Variants in KLHL28 observed in about 807,000 individuals in gnomAD.
KLHL28 encodes kelch like family member 28, also known as kelch-like protein 28.
KLHL28 carries 22 observed loss-of-function variants against 48.3 expected under a neutral mutation model. The observed-to-expected ratio is 0.46, with a 90% CI of 0.33 to 0.65. The LOEUF (loss-of-function observed/expected upper bound fraction) is 0.65. KLHL28 is among the 30% of genes least tolerant of loss of function. The probability of loss-of-function intolerance (pLI) is 0.03; values close to 1 mark genes in which losing one functional copy is unlikely to be tolerated. For missense variants in KLHL28, 527 were observed against 704.3 expected (o/e 0.75, Z 2.85); for synonymous variants, 243 against 242.4 (o/e 1.00, Z -0.02).
At chr14:44,960,279 C>T (rs1472220515) in intron 1 of KLHL28, among the ~76,000 whole-genome samples, 2 of 152,212 alleles carry the variant, frequency 1.3e-5, no homozygotes, top group Non-Finnish European at 2.9e-5. Context: ...ATGATTACCA[C>T]ACAACCTCTA....
chr14:44,947,351 C>T (rs1410355501), intron 1 of KLHL28, among the ~76,000 whole-genome samples: 4 of 152,170 alleles, frequency 2.6e-5, no homozygotes, highest in Non-Finnish European at 4.4e-5. Context: ...AATTTTAGCC[C>T]ACTGACACAA....
Position 44,934,125 on chromosome 14 carries a change from G to T in KLHL28, c.1333C>A (p.His445Asn). The change falls in exon 3 of 5, where the codon CAC becomes AAC. Residue 445 changes from histidine to asparagine, a missense_variant. Transcript: ENST00000396128. ...IYAIGGYGPA[H>N]MNSVERYDPS... Reference sequence around the variant, plus strand: ...TATTAAGTTAAATACCTGTTCATGTGGGCAGGACCATACCCACCAATGGCA... The same window carrying T: ...TATTAAGTTAAATACCTGTTCATGTTGGCAGGACCATACCCACCAATGGCA... 1 of 1,610,140 alleles carries T rather than the reference G, an allele frequency of 6.2e-7. No homozygotes were observed. The highest frequency in any genetic ancestry group is 8.5e-7 in the Non-Finnish European group (1 of 1,177,378).
chr14:44,929,913 G>A (rs769357310), intron 4 of KLHL28, among the ~76,000 whole-genome samples: 2 of 152,008 alleles, frequency 1.3e-5, no homozygotes, highest in Non-Finnish European at 2.9e-5. Flanking sequence ...GGAAAATGGA[G>A]TATATATCTT....
rs145159377 is a variant in KLHL28 at position 44,928,905 on chromosome 14, C to G, written c.*123G>C. 2.6e-6 allele frequency: 2 copies of G among 782,206 alleles called. No individual in the cohort carries two copies. The highest frequency in any genetic ancestry group is 5.3e-5 in the Admixed American group (2 of 37,908). 48.5% of individuals were successfully genotyped at this position (782,206 alleles called of 1,614,324 possible). A position where few individuals can be genotyped will look rare whatever the true frequency, so the allele number is the denominator to read the frequency against. ...AAAAGTACCCAACAAAACTTTTGAG[C>G]CTTCATGCTACTTCAAGTTAAAAAG... On this transcript the variant is annotated 3_prime_UTR_variant, in exon 5 of 5. Transcript: ENST00000396128.
At chr14:44,935,890 G>GTATATA (rs139707349) in intron 2 of KLHL28, among the ~76,000 whole-genome samples, 15,228 of 59,124 alleles carry the variant, frequency 0.26, 3,317 homozygotes, top group South Asian at 0.32. Context: ...ATATATGTGT[G>GTATATA]TATATATATA....
chr14:44,956,772 TATTA>T (rs1401794731), intron 1 of KLHL28, among the ~76,000 whole-genome samples: 2 of 152,206 alleles, frequency 1.3e-5, no homozygotes, highest in Non-Finnish European at 2.9e-5. Flanking sequence ...ATTATTAATA[TATTA>T]ATTAATCACT....
intron 1 of KLHL28, among the ~76,000 whole-genome samples, chr14:44,956,734 A>G (rs1884808319): frequency 6.6e-6 from 1 of 152,236 alleles, no homozygotes; most frequent in African/African-American, 2.4e-5. Context: ...ATATTTAGAA[A>G]ACAGTTGGAA....
At chr14:44,949,125 A>G (rs989984253) in intron 1 of KLHL28, among the ~76,000 whole-genome samples, 3 of 152,134 alleles carry the variant, frequency 2.0e-5, no homozygotes, top group African/African-American at 7.2e-5. Flanking sequence ...TGCAAATGAG[A>G]TTATTGAATC....
intron 1 of KLHL28, 64 bp from the exon 2 acceptor site, chr14:44,945,992 T>C (rs1884319602): frequency 7.9e-7 from 1 of 1,262,262 alleles, no homozygotes; most frequent in African/African-American, 1.5e-5. Context: ...ACACTGCTTT[T>C]CAAATAGTAC....
rs539835410 is a variant in KLHL28, at chr14:44,952,665, C to T, written c.1-6737G>A. Among the ~76,000 whole-genome samples, 8 of 152,230 alleles carry T rather than the reference C, an allele frequency of 5.3e-5. No homozygotes were observed. The East Asian group carries it at 1.5e-3, about 29-fold the overall frequency. The stretch of plus-strand genomic sequence containing the variant: ...CTACTTGCCTCAGCCTCATCAGTAG[C>T]TGGGACTACAGGTGTCCACCACTGC... On this transcript the variant is annotated intron_variant, in intron 1 of 4. Transcript: ENST00000396128.
chr14:44,933,718 T>TAA (rs1883681685), intron 3 of KLHL28, among the ~76,000 whole-genome samples: 2 of 152,238 alleles, frequency 1.3e-5, no homozygotes, highest in South Asian at 4.1e-4. Flanking sequence ...AAGTTTATGA[T>TAA]GTGCTATAAT....
chr14:44,951,346 A>G (rs954241854), intron 1 of KLHL28, among the ~76,000 whole-genome samples: 3 of 152,236 alleles, frequency 2.0e-5, no homozygotes, highest in African/African-American at 7.2e-5. Flanking sequence ...CAAGCCACGG[A>G]TAAGCTGCAG....
intron 1 of KLHL28, among the ~76,000 whole-genome samples, chr14:44,950,765 A>G (rs1436660767): frequency 2.0e-5 from 3 of 152,238 alleles, no homozygotes; most frequent in Admixed American, 2.0e-4. Flanking sequence ...ATGTGCTGGT[A>G]CATAAGCACT....
At chr14:44,954,330 G>T (rs1489444461) in intron 1 of KLHL28, among the ~76,000 whole-genome samples, 1 of 152,052 alleles carries the variant, frequency 6.6e-6, no homozygotes, top group Non-Finnish European at 1.5e-5. Flanking sequence ...AAATCCATAA[G>T]GCTAATAATA....
chr14:44,935,715 C>G (rs924366887), intron 2 of KLHL28, among the ~76,000 whole-genome samples: 2 of 150,962 alleles, frequency 1.3e-5, no homozygotes, highest in Non-Finnish European at 3.0e-5. Flanking sequence ...GTGGATACTT[C>G]TGGAGGAAGG....
At chr14:44,961,154 C>T (rs1429253036) in intron 1 of KLHL28, 2 of 374,976 alleles carry the variant, frequency 5.3e-6, no homozygotes, top group African/African-American at 2.1e-5. Context: ...TACTATCATT[C>T]CTAAATCCAC....
Position 44,945,025 on chromosome 14 carries a change from T to C in KLHL28, c.899+5A>G, listed in dbSNP as rs551750193. On this transcript the variant is annotated splice_donor_5th_base_variant and intron_variant, in intron 2 of 4. Transcript: ENST00000396128. The stretch of plus-strand genomic sequence containing the variant: ...ATCATTCATTTAGGAAAGCCTTCTA[T>C]TTACCTATCCAAACAGGCAAAGAGT... The C allele has an allele frequency of 6.4e-7, 1 of 1,573,238 alleles. No homozygotes were observed. Among genetic ancestry groups the C allele is most frequent in the Non-Finnish European group, 8.7e-7 (1 of 1,152,426 alleles).
chr14:44,951,865 T>C (rs1477769719), intron 1 of KLHL28, among the ~76,000 whole-genome samples: 2 of 152,196 alleles, frequency 1.3e-5, no homozygotes, highest in Admixed American at 6.6e-5. Context: ...TTTTTGTTTT[T>C]GTTTTTCAGA....
At chr14:44,953,996 A>AT (rs1884693530) in intron 1 of KLHL28, among the ~76,000 whole-genome samples, 1 of 152,202 alleles carries the variant, frequency 6.6e-6, no homozygotes, top group Admixed American at 6.5e-5. Flanking sequence ...TTCTAGCCCT[A>AT]TAGGAAAAAT....
Sources: allele counts gnomAD v4.1 joint callset (sites outside exome capture counted in the v4.1 genomes callset), GRCh38; gene constraint gnomAD v4.1.1; transcripts MANE v1.5; gene names NCBI Gene and HGNC (gene_info 2026-07-23, HGNC 2026-07-21).